The following DOCK4 variants were observed in gnomAD, a reference collection of about 807,000 sequenced individuals.
The protein encoded by DOCK4 is dedicator of cytokinesis 4.
In DOCK4, 97 loss-of-function variants were observed where a neutral mutation model predicts 268.1. That is an observed-to-expected ratio of 0.36 (90% CI 0.31 to 0.43). The LOEUF (loss-of-function observed/expected upper bound fraction) is 0.43. Ranked by LOEUF, DOCK4 falls within the 20% of genes least tolerant of loss-of-function variation. The pLI, the probability that DOCK4 is intolerant of heterozygous loss-of-function variation, is 1.00. For missense variants in DOCK4, 2,145 were observed against 2,455.7 expected, an observed-to-expected ratio of 0.87 and a Z score of 2.67; for synonymous variants, 954 against 887.2, an observed-to-expected ratio of 1.08 and a Z score of -1.34.
At position 111,856,226 on chromosome 7, in the gene DOCK4, C is replaced by T. The variant is rs188473214; in HGVS notation, c.2473+7146G>A. Among the ~76,000 whole-genome samples, 14 of 152,234 alleles carry T rather than the reference C, an allele frequency of 9.2e-5. No individual in the cohort carries two copies. The East Asian group carries it at 2.3e-3, about 25-fold the overall frequency. On this transcript the variant is annotated intron_variant, in intron 23 of 52. Coordinates refer to ENST00000428084, the MANE Select transcript of DOCK4 (RefSeq NM_001363540.2). ...TAATGTGCTTGTTATACTGTCAATC[C>T]GCATTGAGAAGTTCAGAAACATAGT...
At chr7:112,137,992 T>C (rs1814523495) in intron 1 of DOCK4, among the ~76,000 whole-genome samples, 1 of 152,216 alleles carries the variant, frequency 6.6e-6, no homozygotes, top group African/African-American at 2.4e-5. Context: ...TAATCAATCA[T>C]CATCATCATC....
At chr7:111,886,470 G>T (rs1397804227) in intron 16 of DOCK4, among the ~76,000 whole-genome samples, 3 of 152,172 alleles carry the variant, frequency 2.0e-5, no homozygotes, top group Non-Finnish European at 2.9e-5. Context: ...TTACAACACT[G>T]GGATAAAGAC....
At chr7:112,072,232 GA>G (rs10645593) in intron 1 of DOCK4, among the ~76,000 whole-genome samples, 1 of 151,550 alleles carries the variant, frequency 6.6e-6, no homozygotes, top group African/African-American at 2.4e-5. Flanking sequence ...CTCACATGTG[GA>G]AAAAAAATCT....
rs1464310076 is a variant in DOCK4, at chr7:111,872,633, T to C, written c.1745-69A>G. The C allele has an allele frequency of 4.5e-6, 6 of 1,323,712 alleles. No homozygotes were observed. The Admixed American group carries it at 1.6e-4, about 35-fold the overall frequency. The allele number at this position is 1,323,712 out of a possible 1,614,324, so 82.0% of individuals were successfully genotyped here. ...AGGTCCTCACATGAAAGCGTTCTGC[T>C]AGTAAAAGTAAAATTCTTAACACAT... is the stretch of plus-strand genomic sequence containing the variant. On this transcript the variant is annotated intron_variant, in intron 17 of 52. Transcript: ENST00000428084.
intron 23 of DOCK4, among the ~76,000 whole-genome samples, chr7:111,847,340 G>T (rs1374629198): frequency 1.3e-5 from 2 of 152,200 alleles, no homozygotes; most frequent in African/African-American, 4.8e-5. Flanking sequence ...ACTTTTAGGT[G>T]AAATAGATAT....
At chr7:111,840,535 T>C (rs947850538) in intron 25 of DOCK4, among the ~76,000 whole-genome samples, 1 of 152,162 alleles carries the variant, frequency 6.6e-6, no homozygotes, top group African/African-American at 2.4e-5. Context: ...TTTTTGTTTT[T>C]TTTTTCTAGC....
chr7:111,897,289 C>G (rs1468814266), intron 15 of DOCK4, among the ~76,000 whole-genome samples: 4 of 152,158 alleles, frequency 2.6e-5, no homozygotes, highest in Admixed American at 6.5e-5. Context: ...GATCAATCCT[C>G]TCTTAAAAAA....
At chr7:112,013,044 C>G (rs1722119273) in intron 1 of DOCK4, among the ~76,000 whole-genome samples, 2 of 152,204 alleles carry the variant, frequency 1.3e-5, no homozygotes, top group African/African-American at 4.8e-5. Context: ...CCAGCCTCCA[C>G]ACACACCACT....
intron 36 of DOCK4, among the ~76,000 whole-genome samples, chr7:111,771,600 G>A (rs973019774): frequency 5.3e-5 from 8 of 152,180 alleles, no homozygotes; most frequent in Non-Finnish European, 1.0e-4. Context: ...ATCCTCAGAA[G>A]GGTGCTGTTA....
At chr7:112,135,869 C>G (rs1814295268) in intron 1 of DOCK4, among the ~76,000 whole-genome samples, 1 of 151,996 alleles carries the variant, frequency 6.6e-6, no homozygotes, top group African/African-American at 2.4e-5. Flanking sequence ...GAAAGGCCAA[C>G]AGAAAATAAT....
chr7:112,047,140 A>G (rs1338462273), intron 1 of DOCK4, among the ~76,000 whole-genome samples: 1 of 152,200 alleles, frequency 6.6e-6, no homozygotes, highest in East Asian at 1.9e-4. Flanking sequence ...CACTTTGGAG[A>G]GAAAAGTTTG....
At chr7:112,084,012 G>A (rs7458421) in intron 1 of DOCK4, among the ~76,000 whole-genome samples, 1 of 152,144 alleles carries the variant, frequency 6.6e-6, no homozygotes, top group Non-Finnish European at 1.5e-5. Flanking sequence ...CTCCTACCAC[G>A]ACCATAGGAA....
chr7:112,024,017 C>T (rs564915430), intron 1 of DOCK4, among the ~76,000 whole-genome samples: 140 of 152,330 alleles, frequency 9.2e-4, no homozygotes, highest in Middle Eastern at 3.4e-3. Context: ...GCTTTGTTCA[C>T]GGCTTTCCGT....
intron 7 of DOCK4, among the ~76,000 whole-genome samples, chr7:111,983,742 T>C (rs529248249): frequency 1.3e-5 from 2 of 151,816 alleles, no homozygotes; most frequent in African/African-American, 4.8e-5. Flanking sequence ...TAGGAATGGA[T>C]TGGGGTCTGG....
intron 1 of DOCK4, among the ~76,000 whole-genome samples, chr7:112,088,307 T>A (rs1467965625): frequency 2.6e-5 from 4 of 152,172 alleles, no homozygotes; most frequent in Non-Finnish European, 5.9e-5. Context: ...AAAGCCTTTT[T>A]AAATGTGTTC....
chr7:112,159,231 C>T (rs146975637), intron 1 of DOCK4, among the ~76,000 whole-genome samples: 202 of 152,194 alleles, frequency 1.3e-3, no homozygotes, highest in Non-Finnish European at 1.9e-3. Flanking sequence ...ACTTGACTGG[C>T]GCTGCCTTTC....
chr7:112,100,661 G>A (rs1810599149), intron 1 of DOCK4, among the ~76,000 whole-genome samples: 1 of 152,192 alleles, frequency 6.6e-6, no homozygotes, highest in Non-Finnish European at 1.5e-5. Context: ...CATCAGACAT[G>A]CTGTACACTT....
intron 44 of DOCK4, among the ~76,000 whole-genome samples, chr7:111,745,623 G>A (rs926158189): frequency 4.2e-5 from 6 of 141,818 alleles, no homozygotes; most frequent in African/African-American, 5.2e-5. Flanking sequence ...GGCGGAGCTT[G>A]CAGTGAGCAG....
chr7:112,104,938 A>C (rs1001949017), intron 1 of DOCK4, among the ~76,000 whole-genome samples: 5 of 152,208 alleles, frequency 3.3e-5, no homozygotes, highest in Admixed American at 2.0e-4. Flanking sequence ...CTGGGGGATG[A>C]TATACATTCA....
Sources: gnomAD v4.1 joint callset for allele counts (sites outside exome capture counted in the v4.1 genomes callset) on GRCh38, gnomAD v4.1.1 for gene constraint, MANE v1.5 for transcripts, NCBI Gene and HGNC (gene_info 2026-07-23, HGNC 2026-07-21) for gene names.